Variants in FAM227B observed in about 807,000 individuals in gnomAD.
FAM227B encodes the protein protein FAM227B.
Under a neutral mutation model 73.8 loss-of-function variants are expected in FAM227B, and 88 were observed. That is an observed-to-expected ratio of 1.19 (90% confidence interval 1.00 to 1.42). FAM227B has a LOEUF of 1.42. Among genes scored for constraint, FAM227B ranks in the 40% most tolerant of loss-of-function variants. The pLI, the probability that FAM227B is intolerant of heterozygous loss-of-function variation, is 0.00. For missense variants in FAM227B, 632 were observed against 590.9 expected, an observed-to-expected ratio of 1.07 and a Z score of -0.72; for synonymous variants, 210 against 190.5, an observed-to-expected ratio of 1.10 and a Z score of -0.84.
At chr15:49,476,229 T>C (rs916111775) in intron 11 of FAM227B, among the ~76,000 whole-genome samples, 2 of 109,420 alleles carry the variant, frequency 1.8e-5, no homozygotes, top group African/African-American at 6.6e-5. Flanking sequence ...TTTTTTGTTT[T>C]TGGTTTTTTT....
intron 3 of FAM227B, among the ~76,000 whole-genome samples, chr15:49,604,434 C>G (rs1431936917): frequency 3.9e-5 from 6 of 152,020 alleles, no homozygotes; most frequent in Non-Finnish European, 8.8e-5. Flanking sequence ...AATCTTATAA[C>G]TGTATATAAT....
chr15:49,515,852 A>G (rs748086429), intron 10 of FAM227B, among the ~76,000 whole-genome samples: 5 of 152,126 alleles, frequency 3.3e-5, no homozygotes, highest in African/African-American at 4.8e-5. Flanking sequence ...TCAGAAATAA[A>G]CTGCTGATAT....
intron 11 of FAM227B, among the ~76,000 whole-genome samples, chr15:49,500,350 T>TGG (rs770181573): frequency 6.6e-6 from 1 of 152,342 alleles, no homozygotes; most frequent in East Asian, 1.9e-4. Context: ...AGAGCAGCTG[T>TGG]GGGGGCAGAA....
intron 4 of FAM227B, among the ~76,000 whole-genome samples, chr15:49,588,824 TAC>T (rs891084688): frequency 2.3e-4 from 35 of 151,066 alleles, no homozygotes; most frequent in Non-Finnish European, 4.1e-4. Context: ...TTTAAAAATT[TAC>T]AGTTTAAATA....
chr15:49,424,364 T>C, intron 11 of FAM227B: 1 of 1,613,720 alleles, frequency 6.2e-7, no homozygotes, highest in Non-Finnish European at 8.5e-7. Flanking sequence ...TCACATTATC[T>C]GTCTAGTGGG....
At chr15:49,381,852 T>C (rs2046556588) in intron 11 of FAM227B, among the ~76,000 whole-genome samples, 1 of 152,094 alleles carries the variant, frequency 6.6e-6, no homozygotes, top group African/African-American at 2.4e-5. Context: ...TACATAAAAA[T>C]TTATCACTGT....
intron 3 of FAM227B, among the ~76,000 whole-genome samples, chr15:49,599,638 T>G (rs1249892028): frequency 6.6e-6 from 1 of 152,172 alleles, no homozygotes; most frequent in Non-Finnish European, 1.5e-5. Context: ...TCCATTTTCA[T>G]TTATCTCAAG....
intron 3 of FAM227B, among the ~76,000 whole-genome samples, chr15:49,599,334 T>C (rs1333130512): frequency 6.6e-6 from 1 of 152,096 alleles, no homozygotes; most frequent in Non-Finnish European, 1.5e-5. Flanking sequence ...TTTCTTCTTT[T>C]TTTCCCTTAG....
intron 3 of FAM227B, 134 bp downstream of exon 3, chr15:49,611,081 T>G (rs1253672036): frequency 1.8e-6 from 1 of 551,522 alleles, no homozygotes; most frequent in African/African-American, 1.9e-5. Flanking sequence ...ACATAAGTAT[T>G]TATATACACA....
chr15:49,559,944 A>AG lies in FAM227B; in HGVS notation c.747+8300_747+8301insC, dbSNP rs1474584898. On this transcript the variant is annotated intron_variant, in intron 9 of 15. Transcript: ENST00000299338. ...GAGCGAGACTCCAAGACTGTCTCGA[A>AG]AAAAAAAAAATTCTGACACCAAAAA... Among the ~76,000 whole-genome samples, 7 of 151,038 alleles carry AG rather than the reference A, an allele frequency of 4.6e-5. 1 individual carries two copies. Among genetic ancestry groups the AG allele is most frequent in the African/African-American group, 1.7e-4 (7 of 41,274 alleles).
intron 5 of FAM227B, among the ~76,000 whole-genome samples, chr15:49,582,186 G>C (rs1369649194): frequency 3.9e-5 from 6 of 152,150 alleles, no homozygotes; most frequent in Non-Finnish European, 4.4e-5. Context: ...GCACAGAGTG[G>C]AAACCTGGAT....
In FAM227B at chr15:49,396,180, T is replaced by C. The variant is rs560058414; in HGVS notation, c.1013-24781A>G. On this transcript the variant is annotated intron_variant, in intron 11 of 15. Transcript: ENST00000299338. ...GAAGCAGGGCGAGGCATTGCCTCAC[T>C]TGGGAAGCGCAAGGGGTCAGGGAGT... The C allele has an allele frequency of 9.1e-4, 319 of 351,762 alleles. 8 individuals are homozygous for C. The highest frequency in any genetic ancestry group is 6.0e-3 in the South Asian group (286 of 47,850). The allele number at this position is 351,762 out of a possible 1,614,324, so 21.8% of individuals were successfully genotyped here. A position where few individuals can be genotyped will look rare whatever the true frequency, so the allele number is the denominator to read the frequency against.
chr15:49,580,999 T>C (rs1365436002), intron 5 of FAM227B, among the ~76,000 whole-genome samples: 1 of 152,092 alleles, frequency 6.6e-6, no homozygotes, highest in Non-Finnish European at 1.5e-5. Flanking sequence ...AAATCTACAC[T>C]CACTAGAGTT....
intron 13 of FAM227B, chr15:49,365,550 T>A: frequency 1.1e-6 from 1 of 882,820 alleles, no homozygotes; most frequent in Non-Finnish European, 1.9e-6. Context: ...TTTCAGTATT[T>A]TCAAAAGGTC....
At chr15:49,495,740 C>T (rs574925649) in intron 11 of FAM227B, among the ~76,000 whole-genome samples, 40 of 152,076 alleles carry the variant, frequency 2.6e-4, no homozygotes, top group African/African-American at 9.4e-4. Context: ...AACTAAAATC[C>T]GGGCCGGGCA....
chr15:49,511,786 G>A (rs148994501), intron 10 of FAM227B, among the ~76,000 whole-genome samples: 5 of 152,188 alleles, frequency 3.3e-5, no homozygotes, highest in Non-Finnish European at 5.9e-5. Context: ...ACATTATCTC[G>A]TTCCTTTCTG....
chr15:49,349,448 A>G (rs1398894016), intron 13 of FAM227B, among the ~76,000 whole-genome samples: 2 of 152,216 alleles, frequency 1.3e-5, no homozygotes, highest in Admixed American at 6.5e-5. Flanking sequence ...TTTCTCTAAG[A>G]GCAAAATTTA....
At chr15:49,429,999 G>A (rs1044090503) in intron 11 of FAM227B, among the ~76,000 whole-genome samples, 22 of 151,922 alleles carry the variant, frequency 1.4e-4, no homozygotes, top group African/African-American at 2.2e-4. Context: ...AGACCCTGTA[G>A]AGGGATTCAA....
At chr15:49,597,851 C>A (rs371062032) in intron 3 of FAM227B, among the ~76,000 whole-genome samples, 13 of 151,818 alleles carry the variant, frequency 8.6e-5, no homozygotes, top group African/African-American at 3.1e-4. Context: ...CATCTTCACA[C>A]ACATAAACTA....
Sources: gnomAD v4.1 joint callset for allele counts (sites outside exome capture counted in the v4.1 genomes callset) on GRCh38, gnomAD v4.1.1 for gene constraint, MANE v1.5 for transcripts, NCBI Gene and HGNC (gene_info 2026-07-23, HGNC 2026-07-21) for gene names.